TNS2: variants seen among roughly 807,000 people sequenced by gnomAD.
The protein encoded by TNS2 is tensin 2.
In TNS2, 77 loss-of-function variants were observed where a neutral mutation model predicts 155.7. That is an observed-to-expected ratio of 0.49 (90% confidence interval 0.41 to 0.60). The LOEUF (loss-of-function observed/expected upper bound fraction) is 0.60. TNS2 is among the 20% of genes least tolerant of loss of function. TNS2 has a pLI of 0.00. For missense variants in TNS2, 1,703 were observed against 1,868.8 expected, an observed-to-expected ratio of 0.91 and a Z score of 1.64; for synonymous variants, 726 against 763.9, an observed-to-expected ratio of 0.95 and a Z score of 0.82.
At chr12:53,062,894 A>G in intron 25 of TNS2, 195 bp from the exon 26 acceptor site, 3 of 920,168 alleles carry the variant, frequency 3.3e-6, no homozygotes, top group Non-Finnish European at 4.8e-6. Context: ...CAAGACGATC[A>G]TGGGGTGGTA....
upstream of TNS2, among the ~76,000 whole-genome samples, chr12:53,048,521 C>G (rs906635520): frequency 1.3e-5 from 2 of 152,130 alleles, no homozygotes; most frequent in Admixed American, 6.5e-5. Flanking sequence ...AGGCCAGGCC[C>G]GGTTGCCCAC....
chr12:53,049,271 G>C (rs1178391748), upstream of TNS2: 72 of 1,595,732 alleles, frequency 4.5e-5, no homozygotes, highest in Non-Finnish European at 5.9e-5. Flanking sequence ...CTTCGGGGTT[G>C]CCGCGGGGGG....
At chr12:53,057,500 G>C in intron 11 of TNS2, 67 bp from the exon 12 acceptor site, 1 of 1,208,318 alleles carries the variant, frequency 8.3e-7, no homozygotes, top group Non-Finnish European at 1.2e-6. Context: ...AGGGTGGATG[G>C]TTGAAATGAT....
intron 1 of TNS2, 89 bp from the exon 2 acceptor site, chr12:53,051,766 G>A: frequency 1.0e-6 from 1 of 980,368 alleles, no homozygotes; most frequent in Admixed American, 2.1e-5. Flanking sequence ...GAAAACCAGT[G>A]CAGTGCTAAG....
chr12:53,064,121 G>A lies in TNS2; in HGVS notation c.*239G>A, dbSNP rs918676458. 7.8e-6 allele frequency: 4 copies of A among 511,292 alleles called. No homozygotes were observed. The highest frequency in any genetic ancestry group is 6.7e-5 in the East Asian group (2 of 29,984). 31.7% of individuals were successfully genotyped at this position (511,292 alleles called of 1,614,324 possible). ...GCAGATGGCAGAGATGGGTGTGTGA[G>A]GGGTGAGGAGGCATCAGCAGTTGAG... On this transcript the variant is annotated 3_prime_UTR_variant, in exon 29 of 29. Coordinates refer to ENST00000314250, the MANE Select transcript of TNS2 (RefSeq NM_170754.4).
At chr12:53,049,824 A>G (rs1475303537), upstream of TNS2, 1 of 296,974 alleles carries the variant, frequency 3.4e-6, no homozygotes, top group Non-Finnish European at 6.4e-6. Flanking sequence ...GAATCTCAAG[A>G]CCATGGATCC....
chr12:53,062,756 T>C (rs1944424040), intron 25 of TNS2, 59 bp downstream of exon 25: 3 of 1,590,994 alleles, frequency 1.9e-6, no homozygotes, highest in African/African-American at 1.3e-5. Context: ...GCATTGTGGA[T>C]ACAGGGCATG....
intron 25 of TNS2, 120 bp downstream of exon 25, chr12:53,062,817 AG>A: frequency 8.1e-7 from 1 of 1,241,550 alleles, no homozygotes; most frequent in East Asian, 2.6e-5. Flanking sequence ...CCATGAGGGC[AG>A]GGGAGCCCCA....
At chr12:53,048,654 C>T (rs1275238435), upstream of TNS2, among the ~76,000 whole-genome samples, 1 of 152,214 alleles carries the variant, frequency 6.6e-6, no homozygotes, top group African/African-American at 2.4e-5. Flanking sequence ...CAGATGCCAC[C>T]TTCTGGCCAG....
chr12:53,054,402 G>A lies in TNS2; in HGVS notation c.483G>A (p.Leu161=). ...EQRHRGHLRE[L]AHVLQSKHRD... ...GGCACCGGGGCCACCTGCGCGAGCT[G>A]GCCCATGTGCTGCAATCCAAGCACC... Residue 161 remains leucine, a synonymous_variant, in exon 7 of 29, where the codon CTG becomes CTA. Coordinates refer to ENST00000314250, the MANE Select transcript of TNS2 (RefSeq NM_170754.4). 1.2e-6 allele frequency: 2 copies of A among 1,608,424 alleles called. No individual in the cohort carries two copies. Among genetic ancestry groups the A allele is most frequent in the South Asian group, 2.2e-5 (2 of 90,860 alleles).
At chr12:53,049,161 AT>A (rs1439954384), upstream of TNS2, 1 of 1,578,160 alleles carries the variant, frequency 6.3e-7, no homozygotes, top group South Asian at 1.2e-5. Context: ...GGGGTGGAGT[AT>A]GTGTTGGGAG....
chr12:53,052,538 C>T, intron 3 of TNS2, 46 bp downstream of exon 3: 2 of 1,611,880 alleles, frequency 1.2e-6, no homozygotes, highest in Non-Finnish European at 1.7e-6. Flanking sequence ...TCTGGAGTCC[C>T]TTCCTCCTCC....
chr12:53,052,322 C>T lies in TNS2; in HGVS notation c.185-133C>T. ...AAAACCTAGCCCTGCTCCTCTGCCC[C>T]AGCCAGCCCAGTCCAGGTGGGATCT... On this transcript the variant is annotated intron_variant, in intron 2 of 28. Coordinates refer to ENST00000314250, the MANE Select transcript of TNS2 (RefSeq NM_170754.4). 3.4e-6 allele frequency: 4 copies of T among 1,177,896 alleles called. No individual in the cohort carries two copies. In the South Asian group the frequency reaches 5.4e-5, roughly 16 times the overall value. The allele number at this position is 1,177,896 out of a possible 1,614,324, so 73.0% of individuals were successfully genotyped here. A position where few individuals can be genotyped will look rare whatever the true frequency, so the allele number is the denominator to read the frequency against.
At position 53,058,571 on chromosome 12, in the gene TNS2, G is replaced by C; in HGVS notation, c.1226-1G>C. The C allele has an allele frequency of 6.2e-7, 1 of 1,614,132 alleles. No homozygotes were observed. Among genetic ancestry groups the C allele is most frequent in the Non-Finnish European group, 8.5e-7 (1 of 1,180,012 alleles). ...GGTTCTTCACTGTCCACTCCCCATA[G>C]ATGAGAGGTTCCCCTTCCAAGCCTC... is the stretch of plus-strand genomic sequence containing the variant. On this transcript the variant is annotated splice_acceptor_variant, in intron 15 of 28. Transcript: ENST00000314250. LOFTEE classifies it high-confidence loss of function.
chr12:53,063,729 C>T lies in TNS2; in HGVS notation c.4092-15C>T, dbSNP rs367869444. On this transcript the variant is annotated splice_polypyrimidine_tract_variant and intron_variant, in intron 28 of 28. Transcript: ENST00000314250. The surrounding 1 kb of genome is among the most constrained non-coding windows in gnomAD (Gnocchi z 5.6). Reference sequence around the variant, plus strand: ...AAGGAATGTTAAGCCCCTTCCCCACCCTTTATCCCCCTAGGATCTTTGGTT... The same window carrying T: ...AAGGAATGTTAAGCCCCTTCCCCACTCTTTATCCCCCTAGGATCTTTGGTT... 10 of 1,613,862 alleles carry T rather than the reference C, an allele frequency of 6.2e-6. No individual in the cohort carries two copies. The Middle Eastern group carries it at 6.6e-4, about 107-fold the overall frequency.
chr12:53,052,613 AC>A, intron 3 of TNS2, 121 bp downstream of exon 3: 3 of 1,372,176 alleles, frequency 2.2e-6, no homozygotes. Flanking sequence ...CCACTGGGGA[AC>A]CCCTCCTGGG....
rs188102991 is a variant in TNS2, at chr12:53,054,427, C to G, written c.508C>G (p.Arg170Gly). The G allele has an allele frequency of 6.2e-7, 1 of 1,604,154 alleles. No homozygotes were observed. The highest frequency in any genetic ancestry group is 2.2e-5 in the East Asian group (1 of 44,780). The change falls in exon 7 of 29, where the codon CGG becomes GGG. Residue 170 changes from arginine to glycine, a missense_variant. Physicochemically the swap from Arg to Gly is moderately radical, Grantham distance 125. Transcript: ENST00000314250. The stretch of plus-strand genomic sequence containing the variant: ...GGCCCATGTGCTGCAATCCAAGCAC[C>G]GGGACAAGTACCTGGTGAGGGGCGG... ...ELAHVLQSKH[R>G]DKYLLFNLSE...
Position 53,060,827 on chromosome 12 carries a change from T to G in TNS2, c.2921T>G (p.Val974Gly). Residue 974 changes from valine to glycine, a missense_variant, in exon 20 of 29, where the codon GTC becomes GGC. Transcript: ENST00000314250. The surrounding 1 kb of genome is among the most constrained non-coding windows in gnomAD (Gnocchi z 6.1). ...SGPEPLAPSPVSPTFPPSSPS... is the reference protein window; with the variant it reads ...SGPEPLAPSPGSPTFPPSSPS... ...CCTGAGCCTCTGGCCCCTAGCCCAG[T>G]CTCTCCGACCTTCCCTCCCAGCTCG... The G allele has an allele frequency of 6.2e-7, 1 of 1,606,870 alleles. No homozygotes were observed. Among genetic ancestry groups the G allele is most frequent in the African/African-American group, 1.3e-5 (1 of 74,910 alleles).
At chr12:53,048,565 G>A (rs563138255), upstream of TNS2, among the ~76,000 whole-genome samples, 54 of 152,310 alleles carry the variant, frequency 3.5e-4, no homozygotes, top group African/African-American at 1.3e-3. Flanking sequence ...CTGGGACACA[G>A]CCAGGCTGGC....
Sources: gnomAD v4.1 joint callset for allele counts (sites outside exome capture counted in the v4.1 genomes callset) on GRCh38, gnomAD v4.1.1 for gene constraint, Gnocchi (gnomAD v3.1) non-coding constraint, MANE v1.5 for transcripts, NCBI Gene and HGNC (gene_info 2026-07-23, HGNC 2026-07-21) for gene names.